Variants in ADARB2 observed in about 807,000 individuals in gnomAD.
ADARB2 encodes adenosine deaminase RNA specific B2 (inactive), also known as inactive double-stranded RNA-specific editase B2.
A neutral mutation model predicts 62.2 loss-of-function variants in ADARB2; 25 were observed. That is an observed-to-expected ratio of 0.40 (90% CI 0.29 to 0.56). ADARB2 has a LOEUF of 0.56. ADARB2 is among the 20% of genes least tolerant of loss of function. The pLI is 0.43. For missense variants in ADARB2, 1,071 were observed against 1,077.4 expected (o/e 0.99, Z 0.08); for synonymous variants, 572 against 500.8 (o/e 1.14, Z -1.90).
intron 1 of ADARB2, among the ~76,000 whole-genome samples, chr10:1,571,714 G>A (rs111986356): frequency 1.3e-5 from 2 of 149,900 alleles, no homozygotes; most frequent in African/African-American, 5.0e-5. Context: ...GGACAGGTGA[G>A]TGTGCTGGTG....
chr10:1,732,269 T>A (rs1835243268), intron 1 of ADARB2, among the ~76,000 whole-genome samples: 1 of 150,106 alleles, frequency 6.7e-6, no homozygotes, highest in Non-Finnish European at 1.5e-5. Flanking sequence ...AGTTTTAAAA[T>A]TGAACATTAA....
At chr10:1,510,461 G>A (rs1437034532) in intron 1 of ADARB2, among the ~76,000 whole-genome samples, 2 of 152,092 alleles carry the variant, frequency 1.3e-5, no homozygotes, top group Non-Finnish European at 2.9e-5. Context: ...GGATGACAAG[G>A]GTGAGCCACT....
intron 7 of ADARB2, among the ~76,000 whole-genome samples, chr10:1,211,977 G>C (rs895649020): frequency 2.6e-5 from 4 of 152,154 alleles, no homozygotes; most frequent in African/African-American, 9.7e-5. Context: ...TGGCCCTCAG[G>C]ATGACGCTGG....
At chr10:1,664,097 T>G (rs1023756251) in intron 1 of ADARB2, among the ~76,000 whole-genome samples, 1 of 152,210 alleles carries the variant, frequency 6.6e-6, no homozygotes, top group Non-Finnish European at 1.5e-5. Flanking sequence ...TGTGGGTCAG[T>G]GTGCGGGTTT....
chr10:1,656,671 C>T (rs979664721), intron 1 of ADARB2, among the ~76,000 whole-genome samples: 1 of 152,166 alleles, frequency 6.6e-6, no homozygotes, highest in East Asian at 1.9e-4. Context: ...ATTTGGGACT[C>T]TCACGCGTCT....
intron 1 of ADARB2, among the ~76,000 whole-genome samples, chr10:1,508,920 T>C (rs1831885737): frequency 6.6e-6 from 1 of 152,228 alleles, no homozygotes; most frequent in South Asian, 2.1e-4. Context: ...AGGCCTTTCC[T>C]TCTCCTCTGG....
intron 4 of ADARB2, 118 bp downstream of exon 4, chr10:1,270,837 C>G (rs143365686): frequency 7.0e-6 from 6 of 854,902 alleles, no homozygotes; most frequent in Non-Finnish European, 1.1e-5. Flanking sequence ...AATATTTTGT[C>G]TTTCTTTGTC....
chr10:1,643,657 G>A (rs1443427310), intron 1 of ADARB2, among the ~76,000 whole-genome samples: 1 of 152,244 alleles, frequency 6.6e-6, no homozygotes, highest in Admixed American at 6.5e-5. Context: ...ACCACGGACA[G>A]CTCCTGGTTC....
chr10:1,733,752 G>A (rs1023521237), intron 1 of ADARB2, among the ~76,000 whole-genome samples: 1 of 152,056 alleles, frequency 6.6e-6, no homozygotes, highest in African/African-American at 2.4e-5. Context: ...CACATAATAT[G>A]GATTTTGTTG....
At chr10:1,706,005 C>T (rs1834885833) in intron 1 of ADARB2, among the ~76,000 whole-genome samples, 2 of 151,718 alleles carry the variant, frequency 1.3e-5, no homozygotes, top group African/African-American at 4.8e-5. Context: ...GTTTTTTGTT[C>T]TTTAGCTGAG....
At chr10:1,494,454 C>T (rs1244725791) in intron 1 of ADARB2, among the ~76,000 whole-genome samples, 1 of 152,202 alleles carries the variant, frequency 6.6e-6, no homozygotes, top group East Asian at 1.9e-4. Flanking sequence ...ATAACACCAC[C>T]AGCTATGAAT....
intron 1 of ADARB2, among the ~76,000 whole-genome samples, chr10:1,576,045 G>A (rs1198595620): frequency 1.1e-5 from 1 of 95,014 alleles, no homozygotes; most frequent in African/African-American, 4.1e-5. Flanking sequence ...TCGGCGGGGG[G>A]GTCAGGGTCA....
intron 1 of ADARB2, among the ~76,000 whole-genome samples, chr10:1,732,170 G>A (rs866854169): frequency 4.5e-4 from 68 of 151,828 alleles, no homozygotes; most frequent in African/African-American, 1.0e-3. Flanking sequence ...TGCTTTTACC[G>A]TGTATATACA....
intron 1 of ADARB2, among the ~76,000 whole-genome samples, chr10:1,686,606 G>T (rs1417779928): frequency 1.3e-5 from 2 of 152,136 alleles, no homozygotes; most frequent in Admixed American, 6.5e-5. Flanking sequence ...TGAACCCGCT[G>T]GGCTTCCGGC....
chr10:1,561,894 C>T (rs1310540669), intron 1 of ADARB2, among the ~76,000 whole-genome samples: 3 of 152,250 alleles, frequency 2.0e-5, no homozygotes, highest in Non-Finnish European at 4.4e-5. Flanking sequence ...CCCATGCAAC[C>T]AGGATTGCCA....
At chr10:1,373,938 GTGAAA>G (rs1232319036) in intron 2 of ADARB2, among the ~76,000 whole-genome samples, 8 of 146,764 alleles carry the variant, frequency 5.5e-5, no homozygotes, top group African/African-American at 1.9e-4. Context: ...ACCCTTCCTA[GTGAAA>G]CCGCGTGGGC....
At chr10:1,467,915 T>C (rs1831272494) in intron 1 of ADARB2, among the ~76,000 whole-genome samples, 1 of 152,156 alleles carries the variant, frequency 6.6e-6, no homozygotes, top group African/African-American at 2.4e-5. Flanking sequence ...GGACCCGTAA[T>C]TTACTACCTC....
At chr10:1,376,662 C>T (rs12356157) in intron 2 of ADARB2, among the ~76,000 whole-genome samples, 3,869 of 152,276 alleles carry the variant, frequency 0.025, 101 homozygotes, top group East Asian at 0.12. Context: ...AAGGCGGCTG[C>T]TGCACCTCTG....
At chr10:1,320,383 T>A (rs576902783) in intron 3 of ADARB2, among the ~76,000 whole-genome samples, 2 of 152,342 alleles carry the variant, frequency 1.3e-5, no homozygotes, top group South Asian at 4.1e-4. Context: ...GTATCTAGCA[T>A]CTTTCAAATC....
Sources: gnomAD v4.1 joint callset for allele counts (sites outside exome capture counted in the v4.1 genomes callset) on GRCh38, gnomAD v4.1.1 for gene constraint, MANE v1.5 for transcripts, NCBI Gene and HGNC (gene_info 2026-07-23, HGNC 2026-07-21) for gene names.